Variants in PDE7B observed in about 807,000 individuals in gnomAD.
PDE7B encodes phosphodiesterase 7B.
PDE7B carries 29 observed loss-of-function variants against 56.2 expected under a neutral mutation model. The observed-to-expected ratio is 0.52, with a 90% CI of 0.38 to 0.70. The LOEUF (loss-of-function observed/expected upper bound fraction) is 0.70. PDE7B is among the 30% of genes least tolerant of loss of function. PDE7B has a pLI of 0.00. For synonymous variants in PDE7B, 197 were observed against 196.9 expected, an observed-to-expected ratio of 1.00 and a Z score of 0.00; for missense variants, 490 against 565.0, an observed-to-expected ratio of 0.87 and a Z score of 1.35.
At chr6:136,097,603 C>G (rs1777489431) in intron 2 of PDE7B, among the ~76,000 whole-genome samples, 1 of 152,162 alleles carries the variant, frequency 6.6e-6, no homozygotes, top group South Asian at 2.1e-4. Flanking sequence ...TTTTAATACA[C>G]AAATCTGAAC....
chr6:136,147,128 T>C (rs1408265092), intron 3 of PDE7B, among the ~76,000 whole-genome samples: 1 of 151,078 alleles, frequency 6.6e-6, no homozygotes, highest in East Asian at 1.9e-4. Flanking sequence ...GATGACAGTG[T>C]GAGACCCAGT....
chr6:135,877,737 GAAAAC>G (rs1023315079), intron 1 of PDE7B, among the ~76,000 whole-genome samples: 1 of 130,002 alleles, frequency 7.7e-6, no homozygotes, highest in Non-Finnish European at 1.6e-5. Flanking sequence ...AGACCTCCAG[GAAAAC>G]AAAACAAAAC....
chr6:135,957,457 A>T (rs181520782), intron 2 of PDE7B, among the ~76,000 whole-genome samples: 188 of 152,294 alleles, frequency 1.2e-3, no homozygotes, highest in African/African-American at 4.2e-3. Flanking sequence ...CAAAAGAGTA[A>T]CTGTCCCATG....
At chr6:136,159,308 G>C (rs928318208) in intron 8 of PDE7B, among the ~76,000 whole-genome samples, 4 of 152,122 alleles carry the variant, frequency 2.6e-5, no homozygotes, top group Non-Finnish European at 5.9e-5. Context: ...CAGTATGAAA[G>C]GTGTTTTTGG....
At chr6:136,064,076 A>T (rs1776890611) in intron 2 of PDE7B, among the ~76,000 whole-genome samples, 1 of 152,206 alleles carries the variant, frequency 6.6e-6, no homozygotes, top group Non-Finnish European at 1.5e-5. Context: ...GATTTTATTA[A>T]CATGTGATAA....
chr6:136,048,316 G>A, intron 2 of PDE7B, among the ~76,000 whole-genome samples: 1 of 152,162 alleles, frequency 6.6e-6, no homozygotes, highest in Non-Finnish European at 1.5e-5. Context: ...CTGAGGTCAG[G>A]AGTTCAAGAC....
chr6:136,135,773 A>G (rs938514429), intron 3 of PDE7B, among the ~76,000 whole-genome samples: 1 of 152,104 alleles, frequency 6.6e-6, no homozygotes, highest in Non-Finnish European at 1.5e-5. Flanking sequence ...TGAATACTGA[A>G]GTCATTACAA....
chr6:135,934,890 T>TA, intron 1 of PDE7B, among the ~76,000 whole-genome samples: 1 of 107,280 alleles, frequency 9.3e-6, no homozygotes, highest in African/African-American at 4.2e-5. Flanking sequence ...TTTATTTAAA[T>TA]ATATATTTAA....
chr6:135,879,159 C>T (rs982324527), intron 1 of PDE7B, among the ~76,000 whole-genome samples: 11 of 151,934 alleles, frequency 7.2e-5, no homozygotes, highest in African/African-American at 2.7e-4. Flanking sequence ...GGACGCCTCC[C>T]ATGAATTGGA....
intron 2 of PDE7B, among the ~76,000 whole-genome samples, chr6:136,036,265 T>C (rs1034857091): frequency 3.3e-5 from 5 of 152,198 alleles, no homozygotes; most frequent in Admixed American, 1.3e-4. Flanking sequence ...GAAGGGCACA[T>C]CTTTCTAATC....
chr6:135,925,826 T>A (rs558370397), intron 1 of PDE7B, among the ~76,000 whole-genome samples: 47 of 152,306 alleles, frequency 3.1e-4, no homozygotes, highest in Admixed American at 1.6e-3. Flanking sequence ...TTTTCCCTGA[T>A]ATTCATTTTA....
chr6:136,194,510 T>C lies in PDE7B; in HGVS notation c.*2670T>C, dbSNP rs1176773845. 1.3e-5 allele frequency: 2 copies of C among 152,170 alleles called. No individual in the cohort carries two copies. The highest frequency in any genetic ancestry group is 2.9e-5 in the Non-Finnish European group (2 of 68,022). 9.4% of individuals were successfully genotyped at this position (152,170 alleles called of 1,614,324 possible). The stretch of plus-strand genomic sequence containing the variant: ...GGGAGTTCTTGAGTTCCTCATTTGT[T>C]GGTAAAAAGAAAAAGAATGTGAAAA... On this transcript the variant is annotated 3_prime_UTR_variant, in exon 13 of 13. Transcript: ENST00000308191.
chr6:136,107,234 T>G (rs1172707685), intron 2 of PDE7B, among the ~76,000 whole-genome samples: 1 of 152,206 alleles, frequency 6.6e-6, no homozygotes, highest in Non-Finnish European at 1.5e-5. Context: ...AGGACTGTTC[T>G]TCCTTTCAGC....
At chr6:135,861,933 A>G (rs1775155920) in intron 1 of PDE7B, among the ~76,000 whole-genome samples, 1 of 151,878 alleles carries the variant, frequency 6.6e-6, no homozygotes, top group Non-Finnish European at 1.5e-5. Flanking sequence ...TTACTGATAC[A>G]TAGAAAAACA....
chr6:136,142,368 C>T (rs1330658020), intron 3 of PDE7B, among the ~76,000 whole-genome samples: 1 of 152,168 alleles, frequency 6.6e-6, no homozygotes, highest in Non-Finnish European at 1.5e-5. Flanking sequence ...GAGTGCTTTA[C>T]TTCCAAGTAT....
At chr6:135,944,604 G>T (rs887580047) in intron 1 of PDE7B, among the ~76,000 whole-genome samples, 3 of 152,180 alleles carry the variant, frequency 2.0e-5, no homozygotes, top group Non-Finnish European at 4.4e-5. Flanking sequence ...ACCTGTTCTT[G>T]CTATTTGGTG....
chr6:136,099,359 C>T (rs1278917932), intron 2 of PDE7B, among the ~76,000 whole-genome samples: 1 of 152,202 alleles, frequency 6.6e-6, no homozygotes, highest in African/African-American at 2.4e-5. Flanking sequence ...ACACTGTCCT[C>T]CACAATGGTT....
At chr6:136,058,827 C>A (rs992213054) in intron 2 of PDE7B, among the ~76,000 whole-genome samples, 9 of 152,046 alleles carry the variant, frequency 5.9e-5, no homozygotes, top group African/African-American at 1.9e-4. Context: ...CTACTAGAAC[C>A]AAAGTCATTT....
intron 2 of PDE7B, among the ~76,000 whole-genome samples, chr6:136,103,630 A>G (rs1777600487): frequency 6.6e-6 from 1 of 152,136 alleles, no homozygotes; most frequent in Non-Finnish European, 1.5e-5. Context: ...TTCCCACCAT[A>G]TTTGGGCTGC....
Sources: allele counts gnomAD v4.1 joint callset (sites outside exome capture counted in the v4.1 genomes callset), GRCh38; gene constraint gnomAD v4.1.1; transcripts MANE v1.5; gene names NCBI Gene and HGNC (gene_info 2026-07-23, HGNC 2026-07-21).